Variants in WWOX observed in about 807,000 individuals in gnomAD.
WWOX encodes WW domain-containing oxidoreductase.
A neutral mutation model predicts 46.2 loss-of-function variants in WWOX; 69 were observed. The ratio of observed to expected loss-of-function variants is 1.49; its 90% CI spans 1.23 to 1.82. WWOX has a LOEUF of 1.82. Among genes scored for constraint, WWOX ranks in the 40% most tolerant of loss-of-function variants. The pLI is 0.00. For synonymous variants in WWOX, 359 were observed against 202.6 expected, an observed-to-expected ratio of 1.77 and a Z score of -6.56; for missense variants, 919 against 542.6, an observed-to-expected ratio of 1.69 and a Z score of -6.89.
chr16:78,296,583 G>A (rs2151864036), intron 5 of WWOX, among the ~76,000 whole-genome samples: 1 of 151,216 alleles, frequency 6.6e-6, no homozygotes, highest in East Asian at 1.9e-4. Flanking sequence ...AAGACATTGA[G>A]AACAACCATG....
At chr16:78,955,773 G>T (rs143699679) in intron 8 of WWOX, among the ~76,000 whole-genome samples, 10 of 151,222 alleles carry the variant, frequency 6.6e-5, no homozygotes, top group African/African-American at 2.2e-4. Flanking sequence ...TCAGCCTCCC[G>T]AGTAGCTGGG....
Position 78,651,146 on chromosome 16 carries a change from G to A in WWOX, c.1056+218394G>A, listed in dbSNP as rs17795073. 8.5e-4 allele frequency among the ~76,000 whole-genome samples: 130 copies of A among 152,278 alleles called. 1 individual carries two copies. In the East Asian group the frequency reaches 0.02, roughly 24 times the overall value. ...GGCTTTCCTCAGTTGGGATCAGAAG[G>A]CCACAAAGTTTTCTTATATTTTAAG... On this transcript the variant is annotated intron_variant, in intron 8 of 8. Coordinates refer to ENST00000566780, the MANE Select transcript of WWOX (RefSeq NM_016373.4).
At chr16:78,220,073 T>C (rs959352878) in intron 5 of WWOX, among the ~76,000 whole-genome samples, 3 of 152,198 alleles carry the variant, frequency 2.0e-5, no homozygotes, top group African/African-American at 7.2e-5. Context: ...CCCTGTAGAA[T>C]GGGAGGTAAT....
chr16:78,613,277 C>T (rs1474467360), intron 8 of WWOX, among the ~76,000 whole-genome samples: 1 of 152,130 alleles, frequency 6.6e-6, no homozygotes, highest in Non-Finnish European at 1.5e-5. Context: ...GCAGGGATCA[C>T]TCTTTCAGAA....
rs373939588 is a variant in WWOX at position 78,918,562 on chromosome 16, C to G, written c.1057-293046C>G. On this transcript the variant is annotated intron_variant, in intron 8 of 8. Transcript: ENST00000566780. ...TGTTAAGAAAACTTTTTCTTCTTTC[C>G]GAGACAGGCTGCAAAATGCTTGTTA... 2.0e-5 allele frequency among the ~76,000 whole-genome samples: 3 copies of G among 152,136 alleles called. No individual in the cohort carries two copies. The South Asian group carries it at 6.2e-4, about 32-fold the overall frequency.
intron 8 of WWOX, among the ~76,000 whole-genome samples, chr16:79,003,487 C>G (rs949540587): frequency 2.0e-5 from 3 of 152,162 alleles, no homozygotes; most frequent in African/African-American, 7.2e-5. Flanking sequence ...TTTATTACAT[C>G]TCATGATTTT....
At chr16:78,221,331 A>G (rs2036881424) in intron 5 of WWOX, among the ~76,000 whole-genome samples, 1 of 152,184 alleles carries the variant, frequency 6.6e-6, no homozygotes. Flanking sequence ...AAAGATTCCT[A>G]TATTGAGAAA....
chr16:78,131,711 A>T (rs529307782), intron 4 of WWOX, among the ~76,000 whole-genome samples: 1 of 151,670 alleles, frequency 6.6e-6, no homozygotes, highest in East Asian at 2.0e-4. Flanking sequence ...CCTCCTGAGT[A>T]GCTGGGATTA....
chr16:78,679,202 C>A (rs563277743), intron 8 of WWOX, among the ~76,000 whole-genome samples: 182 of 152,212 alleles, frequency 1.2e-3, no homozygotes, highest in Non-Finnish European at 1.6e-3. Flanking sequence ...ATTACAGGTG[C>A]CCGAGATCCT....
Position 78,910,022 on chromosome 16 carries a change from C to T in WWOX, c.1057-301586C>T, listed in dbSNP as rs376043787. Among the ~76,000 whole-genome samples, 126 of 152,278 alleles carry T rather than the reference C, an allele frequency of 8.3e-4. No individual in the cohort carries two copies. In the South Asian group the frequency reaches 0.025, roughly 30 times the overall value. On this transcript the variant is annotated intron_variant, in intron 8 of 8. Transcript: ENST00000566780. ...ATCAAATTTTTGCAAAGTATAATTA[C>T]ATTTGATGTAATTGCCCATGCAACC...
chr16:78,773,381 C>G lies in WWOX; in HGVS notation c.1056+340629C>G, dbSNP rs548109492. Among the ~76,000 whole-genome samples, 497 of 152,290 alleles carry G rather than the reference C, an allele frequency of 3.3e-3. 3 individuals carry two copies. Among genetic ancestry groups the G allele is most frequent in the Non-Finnish European group, 5.5e-3 (376 of 68,036 alleles). On this transcript the variant is annotated intron_variant, in intron 8 of 8. Transcript: ENST00000566780. ...GTTTCCTAGCTTGGAATGGACCATC[C>G]TCTGGTCCCACCCATGGGTAAGTCA...
chr16:79,134,048 A>C (rs1424110), intron 8 of WWOX, among the ~76,000 whole-genome samples: 1 of 151,902 alleles, frequency 6.6e-6, no homozygotes, highest in South Asian at 2.1e-4. Context: ...TCTTCCTGCT[A>C]TGGCCATAGA....
At chr16:78,623,239 T>G (rs2046231750) in intron 8 of WWOX, among the ~76,000 whole-genome samples, 1 of 152,098 alleles carries the variant, frequency 6.6e-6, no homozygotes, top group Non-Finnish European at 1.5e-5. Context: ...AAGCTTTTGG[T>G]AATTTGTTAG....
chr16:78,838,960 T>C (rs1212325263), intron 8 of WWOX, among the ~76,000 whole-genome samples: 2 of 152,132 alleles, frequency 1.3e-5, no homozygotes, highest in African/African-American at 4.8e-5. Flanking sequence ...TGGAGGATCC[T>C]GGTATAGATG....
At chr16:78,700,350 GAGAGAGAGAGAC>G (rs1246382985) in intron 8 of WWOX, among the ~76,000 whole-genome samples, 1 of 105,270 alleles carries the variant, frequency 9.5e-6, no homozygotes, top group Non-Finnish European at 2.0e-5. Context: ...GAGAGAGAGA[GAGAGAGAGAGAC>G]CATCTCTCTT....
At chr16:78,742,153 G>C (rs1228092409) in intron 8 of WWOX, among the ~76,000 whole-genome samples, 4 of 152,120 alleles carry the variant, frequency 2.6e-5, no homozygotes, top group Non-Finnish European at 5.9e-5. Flanking sequence ...GCAATGTTTT[G>C]TAATATTACA....
At chr16:79,026,558 T>G (rs1196837397) in intron 8 of WWOX, among the ~76,000 whole-genome samples, 1 of 151,422 alleles carries the variant, frequency 6.6e-6, no homozygotes, top group African/African-American at 2.4e-5. Flanking sequence ...ATGCCTGCTT[T>G]TCTGCACTCT....
At chr16:78,300,945 C>G (rs1397072881) in intron 5 of WWOX, among the ~76,000 whole-genome samples, 1 of 152,018 alleles carries the variant, frequency 6.6e-6, no homozygotes, top group East Asian at 1.9e-4. Context: ...TCCATCCATC[C>G]AACTACCCAC....
intron 8 of WWOX, among the ~76,000 whole-genome samples, chr16:78,851,976 C>T (rs1020438512): frequency 6.6e-5 from 10 of 152,218 alleles, no homozygotes; most frequent in African/African-American, 2.2e-4. Context: ...ATTCATTCCT[C>T]AGCTGTTTGA....
Sources: gnomAD v4.1 joint callset for allele counts (sites outside exome capture counted in the v4.1 genomes callset) on GRCh38, gnomAD v4.1.1 for gene constraint, MANE v1.5 for transcripts, NCBI Gene and HGNC (gene_info 2026-07-23, HGNC 2026-07-21) for gene names.